Variants in TRPC7 observed in about 807,000 individuals in gnomAD.
TRPC7 encodes short transient receptor potential channel 7.
In TRPC7, 42 loss-of-function variants were observed where a neutral mutation model predicts 90.1. The observed-to-expected ratio is 0.47, with a 90% CI of 0.36 to 0.60. The LOEUF (loss-of-function observed/expected upper bound fraction) is 0.60. Among genes scored for constraint, TRPC7 ranks in the 20% least tolerant of loss-of-function variants. TRPC7 has a pLI of 0.00. For synonymous variants in TRPC7, 451 were observed against 436.3 expected, an observed-to-expected ratio of 1.03 and a Z score of -0.42; for missense variants, 955 against 1,112.3, an observed-to-expected ratio of 0.86 and a Z score of 2.01.
chr5:136,270,869 C>T (rs968197377), intron 4 of TRPC7, among the ~76,000 whole-genome samples: 3 of 152,070 alleles, frequency 2.0e-5, no homozygotes, highest in African/African-American at 4.8e-5. Context: ...ATAAGAGCAC[C>T]GATGCTGTAT....
intron 2 of TRPC7, among the ~76,000 whole-genome samples, chr5:136,342,302 G>A (rs1759869797): frequency 6.6e-6 from 1 of 152,184 alleles, no homozygotes; most frequent in African/African-American, 2.4e-5. Context: ...TGGAGAGCTG[G>A]CCAAGAATAT....
chr5:136,295,448 G>A (rs1398329566), intron 3 of TRPC7, among the ~76,000 whole-genome samples: 1 of 152,086 alleles, frequency 6.6e-6, no homozygotes, highest in African/African-American at 2.4e-5. Context: ...CCAGTTCATT[G>A]GTCCTTCCCT....
chr5:136,294,515 T>C (rs963216609), intron 3 of TRPC7, among the ~76,000 whole-genome samples: 38 of 152,204 alleles, frequency 2.5e-4, no homozygotes, highest in African/African-American at 8.4e-4. Flanking sequence ...AAGACATTTA[T>C]GCAGCCAAAA....
intron 7 of TRPC7, among the ~76,000 whole-genome samples, chr5:136,236,758 C>G (rs1029972439): frequency 5.3e-5 from 8 of 152,164 alleles, no homozygotes; most frequent in Non-Finnish European, 8.8e-5. Flanking sequence ...GCAAACTGAT[C>G]AACAAGGAGA....
chr5:136,304,836 T>C (rs1015074017), intron 3 of TRPC7, among the ~76,000 whole-genome samples: 6 of 152,188 alleles, frequency 3.9e-5, no homozygotes, highest in Admixed American at 6.5e-5. Flanking sequence ...ACAACTCCTT[T>C]CCTTCCTAGG....
chr5:136,351,696 C>T, intron 2 of TRPC7, among the ~76,000 whole-genome samples: 1 of 152,164 alleles, frequency 6.6e-6, no homozygotes, highest in East Asian at 1.9e-4. Context: ...AAGCAGATTA[C>T]AAATTATCAC....
chr5:136,293,629 T>C (rs11949437), intron 3 of TRPC7, among the ~76,000 whole-genome samples: 1 of 151,984 alleles, frequency 6.6e-6, no homozygotes, highest in African/African-American at 2.4e-5. Flanking sequence ...CACTGCTCAA[T>C]GAAATAAAAG....
At chr5:136,217,821 A>C (rs1755319465) in intron 10 of TRPC7, among the ~76,000 whole-genome samples, 1 of 152,004 alleles carries the variant, frequency 6.6e-6, no homozygotes, top group Non-Finnish European at 1.5e-5. Context: ...GTTCAAGACC[A>C]GCCTGGCTAA....
chr5:136,308,858 C>T (rs1447596988), intron 3 of TRPC7, among the ~76,000 whole-genome samples: 1 of 152,222 alleles, frequency 6.6e-6, no homozygotes, highest in Non-Finnish European at 1.5e-5. Context: ...AGGACTTGAG[C>T]AGTCAGGCTC....
chr5:136,233,250 C>T (rs1179401230), intron 7 of TRPC7, among the ~76,000 whole-genome samples: 3 of 152,184 alleles, frequency 2.0e-5, no homozygotes, highest in Non-Finnish European at 4.4e-5. Context: ...TTCATTTTAG[C>T]ATTAGCGAGA....
At chr5:136,309,601 G>A (rs1037062558) in intron 3 of TRPC7, among the ~76,000 whole-genome samples, 5 of 152,118 alleles carry the variant, frequency 3.3e-5, no homozygotes, top group African/African-American at 1.2e-4. Flanking sequence ...TATAAGTGGC[G>A]AGCAGAAACA....
rs76055473 is a variant in TRPC7 at position 136,343,961 on chromosome 5, A to G, written c.780+12647T>C. Among the ~76,000 whole-genome samples the G allele has an allele frequency of 8.9e-3, 1,361 of 152,356 alleles. 16 individuals carry two copies. The highest frequency in any genetic ancestry group is 0.017 in the Middle Eastern group (5 of 294). On this transcript the variant is annotated intron_variant, in intron 2 of 11. Transcript: ENST00000513104. ...CCAAAGGAATATAAATCGTTCTACCATAAAGACATACGCATGTGTATGTTA... is the reference window on the plus strand; with the variant it reads ...CCAAAGGAATATAAATCGTTCTACCGTAAAGACATACGCATGTGTATGTTA...
Position 136,212,885 on chromosome 5 carries a change from AGGATTTT to A in TRPC7, c.*543_*549del, listed in dbSNP as rs1755137963. Among the ~76,000 whole-genome samples, 2 of 152,178 alleles carry A rather than the reference AGGATTTT, an allele frequency of 1.3e-5. No individual in the cohort carries two copies. The highest frequency in any genetic ancestry group is 4.8e-5 in the African/African-American group (2 of 41,424). On this transcript the variant is annotated 3_prime_UTR_variant, in exon 12 of 12. Transcript: ENST00000513104. Reference sequence around the variant, plus strand: ...CTACCTACAGTACAGTTTTCAATTTAGGATTTTTAAACTTTTTTTTTATATAAACAAA... The same window carrying A: ...CTACCTACAGTACAGTTTTCAATTTATAAACTTTTTTTTTATATAAACAAA...
intron 3 of TRPC7, among the ~76,000 whole-genome samples, chr5:136,306,155 G>C (rs1264873636): frequency 6.6e-6 from 1 of 152,080 alleles, no homozygotes; most frequent in Non-Finnish European, 1.5e-5. Flanking sequence ...ATATCTCCTG[G>C]TGCTATCCCC....
chr5:136,299,792 T>G (rs1758313468), intron 3 of TRPC7, among the ~76,000 whole-genome samples: 1 of 152,218 alleles, frequency 6.6e-6, no homozygotes, highest in South Asian at 2.1e-4. Context: ...AGTGACAATT[T>G]GAAGATGGCG....
intron 3 of TRPC7, among the ~76,000 whole-genome samples, chr5:136,309,822 C>A (rs1028667545): frequency 1.3e-5 from 2 of 152,200 alleles, no homozygotes; most frequent in Non-Finnish European, 2.9e-5. Context: ...TGTTTGTTAA[C>A]ACAATGTAAC....
At chr5:136,283,642 G>A (rs1318923636) in intron 3 of TRPC7, among the ~76,000 whole-genome samples, 1 of 152,170 alleles carries the variant, frequency 6.6e-6, no homozygotes, top group Non-Finnish European at 1.5e-5. Flanking sequence ...GCTCATCTTG[G>A]TTTGTGAGAA....
chr5:136,298,866 G>GA (rs983471463), intron 3 of TRPC7, among the ~76,000 whole-genome samples: 2 of 152,054 alleles, frequency 1.3e-5, no homozygotes, highest in African/African-American at 2.4e-5. Flanking sequence ...AACAAAAAAT[G>GA]AAAAAACCCT....
At chr5:136,315,533 G>C (rs1758985435) in intron 3 of TRPC7, 64 bp downstream of exon 3, 1 of 1,562,058 alleles carries the variant, frequency 6.4e-7, no homozygotes, top group South Asian at 1.2e-5. Flanking sequence ...TGAGCAAAAA[G>C]CAAGGCCAGC....
Sources: allele counts gnomAD v4.1 joint callset (sites outside exome capture counted in the v4.1 genomes callset), GRCh38; gene constraint gnomAD v4.1.1; transcripts MANE v1.5; gene names NCBI Gene and HGNC (gene_info 2026-07-23, HGNC 2026-07-21).